Variants in OPCML observed in about 807,000 individuals in gnomAD.
OPCML encodes the protein opioid binding protein/cell adhesion molecule like, also known as opioid-binding protein/cell adhesion molecule.
Under a neutral mutation model 37.8 loss-of-function variants are expected in OPCML, and 13 were observed. The ratio of observed to expected loss-of-function variants is 0.34; its 90% CI spans 0.22 to 0.55. The LOEUF (loss-of-function observed/expected upper bound fraction) is 0.55, where lower values mean the gene tolerates loss of function less well. Ranked by LOEUF, OPCML falls within the 20% of genes least tolerant of loss-of-function variation. The probability of loss-of-function intolerance (pLI) is 0.91; values close to 1 mark genes in which losing one functional copy is unlikely to be tolerated. For missense variants in OPCML, 341 were observed against 435.6 expected (o/e 0.78, Z 1.93); for synonymous variants, 176 against 168.8 (o/e 1.04, Z -0.33).
chr11:133,486,184 C>G (rs1421781170), intron 1 of OPCML, among the ~76,000 whole-genome samples: 1 of 152,146 alleles, frequency 6.6e-6, no homozygotes, highest in African/African-American at 2.4e-5. Context: ...TCTCTAGGAG[C>G]AATGGTTTCA....
At chr11:132,801,545 C>A (rs896805850) in intron 2 of OPCML, among the ~76,000 whole-genome samples, 1 of 152,198 alleles carries the variant, frequency 6.6e-6, no homozygotes, top group African/African-American at 2.4e-5. Context: ...TCATCTATTT[C>A]TTTCTATAAT....
chr11:133,113,809 T>C (rs190374458), intron 1 of OPCML, among the ~76,000 whole-genome samples: 2 of 152,370 alleles, frequency 1.3e-5, no homozygotes, highest in East Asian at 3.9e-4. Flanking sequence ...GCTCACTTTA[T>C]TAGCCAGCTG....
rs554525250 is a variant in OPCML at position 132,612,051 on chromosome 11, C to T, written c.379+45036G>A. 7.7e-4 allele frequency among the ~76,000 whole-genome samples: 117 copies of T among 152,302 alleles called. 2 individuals are homozygous for T. The South Asian group carries it at 0.024, about 31-fold the overall frequency. On this transcript the variant is annotated intron_variant, in intron 3 of 7. Transcript: ENST00000524381. ...CAGAAAATGGTATAATAATTTCCTT[C>T]AAGTTTTTCTATAACTATTAAGAGT...
At chr11:133,295,223 C>T (rs61644847) in intron 1 of OPCML, among the ~76,000 whole-genome samples, 7,381 of 152,266 alleles carry the variant, frequency 0.048, 204 homozygotes, top group Middle Eastern at 0.071. Context: ...CTAGTTAATG[C>T]ATAGGTTTAA....
chr11:133,512,698 AG>A (rs1359989356), intron 1 of OPCML, among the ~76,000 whole-genome samples: 1 of 152,154 alleles, frequency 6.6e-6, no homozygotes, highest in Non-Finnish European at 1.5e-5. Flanking sequence ...TGGGACAAAA[AG>A]GTGTTCCTAT....
intron 3 of OPCML, among the ~76,000 whole-genome samples, chr11:132,587,118 C>A (rs929560804): frequency 1.3e-5 from 2 of 152,156 alleles, no homozygotes; most frequent in Admixed American, 6.5e-5. Flanking sequence ...GCCAAATGAC[C>A]AACAGACTTG....
intron 1 of OPCML, among the ~76,000 whole-genome samples, chr11:133,465,989 A>G (rs1946970310): frequency 6.6e-6 from 1 of 152,230 alleles, no homozygotes; most frequent in African/African-American, 2.4e-5. Context: ...AATGCCTTAC[A>G]AAATAAAATG....
intron 1 of OPCML, among the ~76,000 whole-genome samples, chr11:133,168,206 G>T (rs1249631947): frequency 6.6e-6 from 1 of 152,134 alleles, no homozygotes; most frequent in Non-Finnish European, 1.5e-5. Context: ...ATGCCTCCCC[G>T]AATTGCGCAA....
chr11:133,524,736 A>T (rs1348320124), intron 1 of OPCML, among the ~76,000 whole-genome samples: 1 of 152,214 alleles, frequency 6.6e-6, no homozygotes, highest in African/African-American at 2.4e-5. Flanking sequence ...TTTATTGACA[A>T]GCAAGAACAC....
chr11:133,407,173 G>T (rs535284031), intron 1 of OPCML, among the ~76,000 whole-genome samples: 1 of 152,240 alleles, frequency 6.6e-6, no homozygotes, highest in Admixed American at 6.5e-5. Context: ...CTAAAACTGA[G>T]AATAATCCAT....
Position 132,834,472 on chromosome 11 carries a change from T to C in OPCML, c.146+108454A>G, listed in dbSNP as rs535003785. 2.6e-5 allele frequency among the ~76,000 whole-genome samples: 4 copies of C among 152,300 alleles called. No homozygotes were observed. In the South Asian group the frequency reaches 8.3e-4, roughly 32 times the overall value. On this transcript the variant is annotated intron_variant, in intron 2 of 7. Transcript: ENST00000524381. ...AAGGGTAGAAGTCCAAACCAAGGTG[T>C]TGGCAGGGCCATGCCCCTCTGAAGC...
chr11:133,109,384 C>T (rs886473651), intron 1 of OPCML, among the ~76,000 whole-genome samples: 1 of 152,094 alleles, frequency 6.6e-6, no homozygotes, highest in African/African-American at 2.4e-5. Context: ...CCTTACTTGT[C>T]CCCGCCCATG....
At chr11:133,319,522 T>TAAATTAAA (rs1231689919) in intron 1 of OPCML, among the ~76,000 whole-genome samples, 134 of 152,344 alleles carry the variant, frequency 8.8e-4, no homozygotes, top group African/African-American at 3.1e-3. Context: ...AAAGGAAGAA[T>TAAATTAAA]ACCCATAAAT....
chr11:132,818,530 T>C (rs1040437570), intron 2 of OPCML, among the ~76,000 whole-genome samples: 2 of 151,584 alleles, frequency 1.3e-5, no homozygotes, highest in Non-Finnish European at 2.9e-5. Flanking sequence ...CCCTGCAGAC[T>C]TGGACTTGCC....
chr11:132,623,811 C>T (rs1409607540), intron 3 of OPCML, among the ~76,000 whole-genome samples: 2 of 152,098 alleles, frequency 1.3e-5, no homozygotes, highest in Non-Finnish European at 2.9e-5. Context: ...TACTCTTTTG[C>T]TTAAAAAATA....
intron 1 of OPCML, among the ~76,000 whole-genome samples, chr11:133,073,017 TC>T (rs1948562186): frequency 6.6e-6 from 1 of 152,130 alleles, no homozygotes; most frequent in African/African-American, 2.4e-5. Context: ...CAGAGAGAGC[TC>T]TTGAGTGAGT....
chr11:133,165,446 T>C (rs907493682), intron 1 of OPCML, among the ~76,000 whole-genome samples: 2 of 152,036 alleles, frequency 1.3e-5, no homozygotes, highest in Non-Finnish European at 2.9e-5. Flanking sequence ...CAACGAAGGG[T>C]TCCTTTTCCC....
At chr11:132,503,974 C>A (rs1264377584) in intron 4 of OPCML, among the ~76,000 whole-genome samples, 1 of 151,764 alleles carries the variant, frequency 6.6e-6, no homozygotes, top group Non-Finnish European at 1.5e-5. Flanking sequence ...CTTTTATGCA[C>A]CTTTGTTAAA....
At chr11:132,481,510 C>T (rs200451979) in intron 4 of OPCML, among the ~76,000 whole-genome samples, 28,316 of 147,578 alleles carry the variant, frequency 0.19, 3,104 homozygotes, top group East Asian at 0.35. Context: ...GACAGATGAA[C>T]GAGACAGAAA....
Sources: gnomAD v4.1 joint callset for allele counts (sites outside exome capture counted in the v4.1 genomes callset) on GRCh38, gnomAD v4.1.1 for gene constraint, MANE v1.5 for transcripts, NCBI Gene and HGNC (gene_info 2026-07-23, HGNC 2026-07-21) for gene names.